The following ADCY2 variants were observed in gnomAD, a reference collection of about 807,000 sequenced individuals.
ADCY2 encodes the protein adenylate cyclase type 2.
ADCY2 carries 31 observed loss-of-function variants against 125.2 expected under a neutral mutation model. The ratio of observed to expected loss-of-function variants is 0.25; its 90% CI spans 0.19 to 0.33. The LOEUF is 0.33. ADCY2 is among the 10% of genes least tolerant of loss of function. ADCY2 has a pLI of 1.00. For missense variants in ADCY2, 904 were observed against 1,418.2 expected, an observed-to-expected ratio of 0.64 and a Z score of 5.82; for synonymous variants, 512 against 548.4, an observed-to-expected ratio of 0.93 and a Z score of 0.93.
intron 3 of ADCY2, among the ~76,000 whole-genome samples, chr5:7,524,723 G>A (rs566691761): frequency 3.9e-5 from 6 of 152,172 alleles, no homozygotes; most frequent in African/African-American, 1.2e-4. Flanking sequence ...ATCACAGAGC[G>A]GTGGTGGGTG....
At chr5:7,427,410 G>C (rs1240891001) in intron 2 of ADCY2, among the ~76,000 whole-genome samples, 1 of 152,184 alleles carries the variant, frequency 6.6e-6, no homozygotes, top group Non-Finnish European at 1.5e-5. Flanking sequence ...AGGTGAAGAA[G>C]AAGCAAGGCA....
chr5:7,466,205 T>C (rs1258973544), intron 2 of ADCY2, among the ~76,000 whole-genome samples: 1 of 152,240 alleles, frequency 6.6e-6, no homozygotes, highest in African/African-American at 2.4e-5. Flanking sequence ...ATATCTTATA[T>C]ATTTTTTTCT....
chr5:7,546,149 G>C (rs1443760305), intron 3 of ADCY2, among the ~76,000 whole-genome samples: 1 of 152,126 alleles, frequency 6.6e-6, no homozygotes, highest in African/African-American at 2.4e-5. Flanking sequence ...CCCTAATAAG[G>C]TTATGTTTTC....
At chr5:7,688,533 T>C (rs781588431) in intron 4 of ADCY2, among the ~76,000 whole-genome samples, 1 of 152,116 alleles carries the variant, frequency 6.6e-6, no homozygotes, top group Non-Finnish European at 1.5e-5. Context: ...CCTCCCAAAG[T>C]GCTGGGACTA....
chr5:7,593,808 A>C (rs1230549888), intron 3 of ADCY2, among the ~76,000 whole-genome samples: 2 of 152,192 alleles, frequency 1.3e-5, no homozygotes, highest in African/African-American at 4.8e-5. Context: ...AAACGTGAAA[A>C]AAAAAATAAC....
intron 3 of ADCY2, among the ~76,000 whole-genome samples, chr5:7,585,962 G>C (rs1259578614): frequency 6.6e-6 from 1 of 152,182 alleles, no homozygotes; most frequent in Non-Finnish European, 1.5e-5. Context: ...ACAGTTTCTT[G>C]AAAAGAGGTA....
At chr5:7,590,190 G>A (rs1057167459) in intron 3 of ADCY2, among the ~76,000 whole-genome samples, 1 of 152,182 alleles carries the variant, frequency 6.6e-6, no homozygotes, top group Non-Finnish European at 1.5e-5. Flanking sequence ...AGGATGAAAA[G>A]GAGTAATAAG....
chr5:7,812,553 A>G (rs555611267), intron 22 of ADCY2, among the ~76,000 whole-genome samples: 1 of 152,354 alleles, frequency 6.6e-6, no homozygotes, highest in Non-Finnish European at 1.5e-5. Context: ...CCCAAGACCC[A>G]GGGATGCAGG....
intron 12 of ADCY2, among the ~76,000 whole-genome samples, chr5:7,718,814 C>T (rs537571793): frequency 2.6e-5 from 4 of 152,068 alleles, no homozygotes; most frequent in Non-Finnish European, 4.4e-5. Flanking sequence ...AAATAAATAA[C>T]TTCCTGCAAT....
intron 14 of ADCY2, among the ~76,000 whole-genome samples, chr5:7,742,487 C>T (rs1161485010): frequency 6.6e-6 from 1 of 152,172 alleles, no homozygotes; most frequent in African/African-American, 2.4e-5. Flanking sequence ...GGACATGACT[C>T]AGTGCCCGAA....
chr5:7,448,696 C>A (rs1308270760), intron 2 of ADCY2, among the ~76,000 whole-genome samples: 1 of 152,106 alleles, frequency 6.6e-6, no homozygotes, highest in Non-Finnish European at 1.5e-5. Context: ...GTGTTCTCAT[C>A]ATTCAGCTCC....
At position 7,757,764 on chromosome 5, in the gene ADCY2, T is replaced by A. The variant is rs1320006979; in HGVS notation, c.2094+178T>A. Among the ~76,000 whole-genome samples, 13 of 152,114 alleles carry A rather than the reference T, an allele frequency of 8.5e-5. 1 individual carries two copies. The highest frequency in any genetic ancestry group is 8.5e-4 in the Admixed American group (13 of 15,268). ...TCACAGCAGGCAGGGCGTTCTTCCC[T>A]TCTGGGACCTGTTCTGTGGAATTTT... On this transcript the variant is annotated intron_variant, in intron 16 of 24. Transcript: ENST00000338316.
At chr5:7,803,316 T>C (rs897059506) in intron 21 of ADCY2, among the ~76,000 whole-genome samples, 14 of 152,234 alleles carry the variant, frequency 9.2e-5, no homozygotes, top group African/African-American at 3.4e-4. Flanking sequence ...GATTTGCTCA[T>C]CTGTCTTAAA....
chr5:7,575,292 T>C (rs7701119), intron 3 of ADCY2, among the ~76,000 whole-genome samples: 92,266 of 151,932 alleles, frequency 0.61, 29,084 homozygotes, highest in Non-Finnish European at 0.7. Flanking sequence ...GTGATTTTTT[T>C]TTCTTTTGGA....
In ADCY2 at chr5:7,563,624, A is replaced by G. The variant is rs112159716; in HGVS notation, c.570+42725A>G. ...TTGTATTACCTAGACAAAAAGTAGC[A>G]TATCCCTGTGAGGGTGCACCTTGGG... On this transcript the variant is annotated intron_variant, in intron 3 of 24. Coordinates refer to ENST00000338316, the MANE Select transcript of ADCY2 (RefSeq NM_020546.3). Among the ~76,000 whole-genome samples, 45 of 152,324 alleles carry G rather than the reference A, an allele frequency of 3.0e-4. 1 individual carries two copies. The highest frequency in any genetic ancestry group is 1.1e-3 in the African/African-American group (44 of 41,578).
At chr5:7,776,193 T>TA (rs11332766) in intron 18 of ADCY2, among the ~76,000 whole-genome samples, 37,458 of 91,096 alleles carry the variant, frequency 0.41, 6,800 homozygotes, top group Admixed American at 0.49. Flanking sequence ...GTGAGATCCT[T>TA]AAAAAAAAAA....
intron 3 of ADCY2, among the ~76,000 whole-genome samples, chr5:7,536,851 C>T (rs61429057): frequency 0.38 from 57,226 of 151,616 alleles, 12,151 homozygotes; most frequent in Non-Finnish European, 0.47. Context: ...GGAGGGATAG[C>T]ATTAGGAGAA....
chr5:7,750,545 A>G (rs1742775951), intron 15 of ADCY2, among the ~76,000 whole-genome samples: 1 of 152,214 alleles, frequency 6.6e-6, no homozygotes, highest in South Asian at 2.1e-4. Context: ...TATTACTAAA[A>G]TGCTTCCTTT....
intron 3 of ADCY2, among the ~76,000 whole-genome samples, chr5:7,577,279 A>G (rs1736279595): frequency 6.6e-6 from 1 of 152,156 alleles, no homozygotes. Flanking sequence ...TTCATATCAG[A>G]TATATTACCA....
Sources: gnomAD v4.1 joint callset for allele counts (sites outside exome capture counted in the v4.1 genomes callset) on GRCh38, gnomAD v4.1.1 for gene constraint, MANE v1.5 for transcripts, NCBI Gene and HGNC (gene_info 2026-07-23, HGNC 2026-07-21) for gene names.